MGMT: variants seen among roughly 807,000 people sequenced by gnomAD.
MGMT encodes the protein O-6-methylguanine-DNA methyltransferase, also known as methylated-DNA--protein-cysteine methyltransferase.
In MGMT, 14 loss-of-function variants were observed where a neutral mutation model predicts 15.9. The ratio of observed to expected loss-of-function variants is 0.88; its 90% CI spans 0.58 to 1.37. The LOEUF (loss-of-function observed/expected upper bound fraction) is 1.37, where lower values mean the gene tolerates loss of function less well. MGMT is among the 40% of genes most tolerant of loss of function. The pLI is 0.00. For synonymous variants in MGMT, 130 were observed against 118.2 expected (o/e 1.10, Z -0.65); for missense variants, 282 against 268.1 (o/e 1.05, Z -0.36).
rs115912166 is a variant in MGMT at position 129,496,908 on chromosome 10, G to A, written c.-13+29612G>A. ...GGGTCTCTCTACATTGCACAGGCTC[G>A]CCTTGAACTCCTGGCCTCAAGTGAT... On this transcript the variant is annotated intron_variant, in intron 1 of 4. Coordinates refer to ENST00000651593, the MANE Select transcript of MGMT (RefSeq NM_002412.5). Among the ~76,000 whole-genome samples, 543 of 151,778 alleles carry A rather than the reference G, an allele frequency of 3.6e-3. 6 individuals carry two copies. Among genetic ancestry groups the A allele is most frequent in the African/African-American group, 0.012 (510 of 41,364 alleles).
chr10:129,675,281 G>A (rs964737058), intron 2 of MGMT, among the ~76,000 whole-genome samples: 6 of 152,302 alleles, frequency 3.9e-5, no homozygotes, highest in African/African-American at 9.6e-5. Context: ...CACCCTGGCT[G>A]TAGTGTGGTG....
In MGMT at chr10:129,733,821, T is replaced by C. The variant is rs953135085; in HGVS notation, c.275-25381T>C. Reference sequence around the variant, plus strand: ...GCACCATTTATTAAATAGGGAATACTTTCCCCATTGCTTGTTTTTGTCAGG... The same window carrying C: ...GCACCATTTATTAAATAGGGAATACCTTCCCCATTGCTTGTTTTTGTCAGG... On this transcript the variant is annotated intron_variant, in intron 3 of 4. Coordinates refer to ENST00000651593, the MANE Select transcript of MGMT (RefSeq NM_002412.5). 4.5e-3 allele frequency among the ~76,000 whole-genome samples: 689 copies of C among 152,356 alleles called. 3 individuals are homozygous for C. Among genetic ancestry groups the C allele is most frequent in the African/African-American group, 0.015 (637 of 41,574 alleles).
chr10:129,607,963 A>C (rs1846912132), intron 2 of MGMT, among the ~76,000 whole-genome samples: 1 of 152,166 alleles, frequency 6.6e-6, no homozygotes, highest in African/African-American at 2.4e-5. Context: ...TGACTCCCTC[A>C]ACCTGTCGGG....
Position 129,770,445 on chromosome 10 carries a change from C to G in MGMT, c.*3448C>G, listed in dbSNP as rs548874797. ...TTGCTGTATCCCCTGACCTGGCCTA[C>G]AAGGACAGAACAGCCCTGGGGGCCA... On this transcript the variant is annotated 3_prime_UTR_variant, in exon 5 of 5. Coordinates refer to ENST00000651593, the MANE Select transcript of MGMT (RefSeq NM_002412.5). Among the ~76,000 whole-genome samples, 3 of 152,220 alleles carry G rather than the reference C, an allele frequency of 2.0e-5. No individual in the cohort carries two copies. Among genetic ancestry groups the G allele is most frequent in the Non-Finnish European group, 2.9e-5 (2 of 68,044 alleles).
intron 4 of MGMT, among the ~76,000 whole-genome samples, chr10:129,764,852 C>T (rs1848915147): frequency 6.6e-6 from 1 of 152,046 alleles, no homozygotes; most frequent in Admixed American, 6.6e-5. Context: ...GGGAGAGGCC[C>T]CGGGTCTGCA....
rs991011912 is a variant in MGMT, at chr10:129,536,537, G to A, written c.125+160G>A. 4.7e-6 allele frequency: 4 copies of A among 851,514 alleles called. No individual in the cohort carries two copies. In the African/African-American group the frequency reaches 5.2e-5, roughly 11 times the overall value. 52.7% of individuals were successfully genotyped at this position (851,514 alleles called of 1,614,324 possible). On this transcript the variant is annotated intron_variant, in intron 2 of 4. Transcript: ENST00000651593. ...TCTCTCAAAACAGTGTGCTGCGACG[G>A]CTCCTGCATTTGCAGCTTCCCTGTG...
chr10:129,707,683 G>A (rs1275031380), intron 2 of MGMT, among the ~76,000 whole-genome samples: 1 of 152,144 alleles, frequency 6.6e-6, no homozygotes, highest in African/African-American at 2.4e-5. Flanking sequence ...CAGAACACAC[G>A]TCCTGGGAGG....
intron 2 of MGMT, among the ~76,000 whole-genome samples, chr10:129,568,168 G>A (rs1846376926): frequency 6.6e-6 from 1 of 152,246 alleles, no homozygotes; most frequent in African/African-American, 2.4e-5. Flanking sequence ...GCTTTACTTG[G>A]AGATTTTGAA....
At chr10:129,562,572 C>T (rs907409787) in intron 2 of MGMT, among the ~76,000 whole-genome samples, 4 of 152,230 alleles carry the variant, frequency 2.6e-5, no homozygotes, top group Non-Finnish European at 5.9e-5. Context: ...AATTTTCTGA[C>T]AGCAGTAGGA....
rs534213033 is a variant in MGMT at position 129,647,478 on chromosome 10, C to G, written c.126-60417C>G. On this transcript the variant is annotated intron_variant, in intron 2 of 4. Transcript: ENST00000651593. ...GGGGTCAGCAGCTTTCCCATCGAAG[C>G]GTTGGTTAGTTTGTGAAAAGTAAAA... 9.7e-4 allele frequency among the ~76,000 whole-genome samples: 148 copies of G among 152,238 alleles called. 1 individual carries two copies. In the South Asian group the frequency reaches 0.029, roughly 30 times the overall value.
intron 2 of MGMT, among the ~76,000 whole-genome samples, chr10:129,567,391 T>C (rs939088286): frequency 3.9e-4 from 59 of 150,988 alleles, no homozygotes; most frequent in African/African-American, 1.4e-3. Flanking sequence ...TGCCCATAAC[T>C]CGTTGGTGCT....
intron 2 of MGMT, among the ~76,000 whole-genome samples, chr10:129,698,491 T>A (rs1373434321): frequency 6.6e-6 from 1 of 152,198 alleles, no homozygotes; most frequent in Non-Finnish European, 1.5e-5. Flanking sequence ...AAAGTTTATA[T>A]CTTTACAGAT....
At chr10:129,563,215 C>T (rs1846300811) in intron 2 of MGMT, among the ~76,000 whole-genome samples, 2 of 152,208 alleles carry the variant, frequency 1.3e-5, no homozygotes, top group Non-Finnish European at 2.9e-5. Flanking sequence ...AGTCGAGGCA[C>T]ATCTCTGTTT....
At chr10:129,549,571 TAGG>T (rs1289239055) in intron 2 of MGMT, among the ~76,000 whole-genome samples, 3 of 152,180 alleles carry the variant, frequency 2.0e-5, no homozygotes, top group Non-Finnish European at 4.4e-5. Flanking sequence ...AACATGTCAA[TAGG>T]AGTTTTCTTC....
intron 2 of MGMT, among the ~76,000 whole-genome samples, chr10:129,685,602 A>G (rs982290141): frequency 6.6e-6 from 1 of 152,314 alleles, no homozygotes; most frequent in Admixed American, 6.5e-5. Flanking sequence ...TAGCTAAATG[A>G]TACATAACAG....
intron 1 of MGMT, among the ~76,000 whole-genome samples, chr10:129,517,667 C>T (rs1263199981): frequency 6.6e-6 from 1 of 152,166 alleles, no homozygotes; most frequent in Admixed American, 6.5e-5. Flanking sequence ...TGAGCGAGAG[C>T]GCTCGCCTCT....
chr10:129,695,520 C>T (rs78579101), intron 2 of MGMT, among the ~76,000 whole-genome samples: 10,226 of 152,212 alleles, frequency 0.067, 505 homozygotes, highest in Middle Eastern at 0.12. Flanking sequence ...GTCTTCAGAA[C>T]ATTTAGTTAT....
At chr10:129,479,233 A>G (rs1031662594) in intron 1 of MGMT, among the ~76,000 whole-genome samples, 1 of 143,168 alleles carries the variant, frequency 7.0e-6, no homozygotes, top group African/African-American at 2.9e-5. Context: ...GTGGGGACAT[A>G]TAATAATTGA....
intron 1 of MGMT, among the ~76,000 whole-genome samples, chr10:129,504,282 G>C (rs1845603393): frequency 6.6e-6 from 1 of 152,214 alleles, no homozygotes; most frequent in South Asian, 2.1e-4. Flanking sequence ...GGTCAACGTT[G>C]ACATTGGTGA....
Sources: allele counts gnomAD v4.1 joint callset (sites outside exome capture counted in the v4.1 genomes callset), GRCh38; gene constraint gnomAD v4.1.1; transcripts MANE v1.5; gene names NCBI Gene and HGNC (gene_info 2026-07-23, HGNC 2026-07-21).